Variants in ATAD2B observed in about 807,000 individuals in gnomAD.
ATAD2B encodes ATPase family AAA domain containing 2B.
A neutral mutation model predicts 167.6 loss-of-function variants in ATAD2B; 40 were observed. That is an observed-to-expected ratio of 0.24 (90% CI 0.19 to 0.31). The LOEUF (loss-of-function observed/expected upper bound fraction) is 0.31. ATAD2B is among the 10% of genes least tolerant of loss of function. ATAD2B has a pLI of 1.00. For missense variants in ATAD2B, 1,242 were observed against 1,757.2 expected, an observed-to-expected ratio of 0.71 and a Z score of 5.24; for synonymous variants, 579 against 596.5, an observed-to-expected ratio of 0.97 and a Z score of 0.43.
chr2:23,808,134 G>GTAATTATATATATAATTATATATA (rs1228436619), intron 18 of ATAD2B, among the ~76,000 whole-genome samples: 7 of 104,592 alleles, frequency 6.7e-5, no homozygotes, highest in African/African-American at 2.9e-4. Flanking sequence ...TTATATATAA[G>GTAATTATATATATAATTATATATA]TGATTACTTA....
At chr2:23,834,115 T>TAAACA in intron 13 of ATAD2B, 37 bp from the exon 14 acceptor site, 1 of 1,109,426 alleles carries the variant, frequency 9.0e-7, no homozygotes. Flanking sequence ...AAAAGAATTG[T>TAAACA]AAACACTGCT....
intron 19 of ATAD2B, among the ~76,000 whole-genome samples, chr2:23,788,859 A>G (rs1046934507): frequency 1.3e-5 from 2 of 152,192 alleles, no homozygotes; most frequent in Non-Finnish European, 1.5e-5. Context: ...CAGTTACCCA[A>G]GTCATTAATG....
chr2:23,906,313 C>A (rs1439899854), intron 1 of ATAD2B, among the ~76,000 whole-genome samples: 1 of 151,812 alleles, frequency 6.6e-6, no homozygotes, highest in Admixed American at 6.6e-5. Flanking sequence ...TGCACTCCAG[C>A]CTGGGCAAGA....
At chr2:23,733,300 T>A in the ATAD2B span, among the ~76,000 whole-genome samples, 4 of 152,206 alleles carry the variant, frequency 2.6e-5, no homozygotes, top group Admixed American at 2.6e-4. Flanking sequence ...GAGCATTTGA[T>A]ACTGTTGTCC....
chr2:23,812,848 C>CA (rs71402512), intron 17 of ATAD2B, among the ~76,000 whole-genome samples: 57,362 of 129,824 alleles, frequency 0.44, 13,120 homozygotes, highest in Middle Eastern at 0.5. Flanking sequence ...GACTCAGTCT[C>CA]AAAAAAAAAA....
rs1457969997 is a variant in ATAD2B at position 23,921,770 on chromosome 2, TGTACCTATATTGTACTATAGGA to T, written c.216+4763_216+4784del. On this transcript the variant is annotated intron_variant, in intron 1 of 27. Transcript: ENST00000238789. Reference sequence around the variant, plus strand: ...GGAACATTGTCACGTTACAATATATTGTACCTATATTGTACTATAGGAGTACCTATATTGTACTCCATGTAAA... The same window carrying T: ...GGAACATTGTCACGTTACAATATATTGTACCTATATTGTACTCCATGTAAA... Among the ~76,000 whole-genome samples the T allele has an allele frequency of 3.9e-5, 6 of 152,338 alleles. No individual in the cohort carries two copies. In the South Asian group the frequency reaches 6.2e-4, roughly 16 times the overall value.
intron 3 of ATAD2B, 22 bp from the exon 4 acceptor site, chr2:23,888,007 C>T: frequency 3.3e-6 from 5 of 1,512,478 alleles, no homozygotes; most frequent in Non-Finnish European, 4.4e-6. Context: ...GAGATATTTA[C>T]ATTTCAAAGT....
chr2:23,894,576 T>A (rs986154538), intron 2 of ATAD2B, among the ~76,000 whole-genome samples: 3 of 152,154 alleles, frequency 2.0e-5, no homozygotes, highest in African/African-American at 7.2e-5. Context: ...TTGAATAAAC[T>A]GTTAAAATCA....
chr2:23,926,971 C>T lies in ATAD2B; in HGVS notation c.-201G>A. ...GCGTGAGCAGGCGGCGTGCGGGAAG[C>T]GGGGGCGGTGCTGCAGACCGGCAGC... On this transcript the variant is annotated 5_prime_UTR_variant, in exon 1 of 28. Coordinates refer to ENST00000238789, the MANE Select transcript of ATAD2B (RefSeq NM_017552.4). 3.3e-6 allele frequency: 2 copies of T among 604,160 alleles called. No individual in the cohort carries two copies. The highest frequency in any genetic ancestry group is 2.5e-5 in the South Asian group (1 of 40,360). The allele number at this position is 604,160 out of a possible 1,614,324, so 37.4% of individuals were successfully genotyped here. A position where few individuals can be genotyped will look rare whatever the true frequency, so the allele number is the denominator to read the frequency against.
the ATAD2B span, chr2:23,698,035 G>T: frequency 6.6e-6 from 1 of 152,226 alleles, no homozygotes; most frequent in Non-Finnish European, 1.5e-5. Flanking sequence ...ATAGGGATTT[G>T]TTCAAGGATC....
Position 23,864,792 on chromosome 2 carries a change from T to G in ATAD2B, c.1304+17A>C. ...GTAACAGTAATAACAATAATAAACA[T>G]CTATGACATTGCTTACCTTGGAGGC... On this transcript the variant is annotated intron_variant, in intron 11 of 27. Transcript: ENST00000238789. The G allele has an allele frequency of 8.2e-7, 1 of 1,226,118 alleles. No individual in the cohort carries two copies. Among genetic ancestry groups the G allele is most frequent in the Non-Finnish European group, 1.2e-6 (1 of 859,294 alleles). The allele number at this position is 1,226,118 out of a possible 1,614,324, so 76.0% of individuals were successfully genotyped here.
chr2:23,920,528 G>C (rs2150672631), intron 1 of ATAD2B, among the ~76,000 whole-genome samples: 1 of 152,202 alleles, frequency 6.6e-6, no homozygotes, highest in African/African-American at 2.4e-5. Flanking sequence ...TATTTATTGA[G>C]CATTTTCAGC....
chr2:23,839,907 T>C (rs564956487), intron 13 of ATAD2B, among the ~76,000 whole-genome samples: 2 of 152,234 alleles, frequency 1.3e-5, no homozygotes, highest in Non-Finnish European at 2.9e-5. Context: ...ACTCAACCCC[T>C]AGGGAACCAT....
chr2:23,689,862 G>A, the ATAD2B span: 3 of 152,312 alleles, frequency 2.0e-5, no homozygotes, highest in African/African-American at 7.2e-5. Context: ...AGCCACCGAG[G>A]TATGGAAATC....
At chr2:23,782,148 T>C (rs1293553609) in intron 22 of ATAD2B, among the ~76,000 whole-genome samples, 1 of 152,224 alleles carries the variant, frequency 6.6e-6, no homozygotes, top group Non-Finnish European at 1.5e-5. Flanking sequence ...CACAGCTTTA[T>C]TAGCCTTGCT....
the ATAD2B span, among the ~76,000 whole-genome samples, chr2:23,741,362 T>C: frequency 0.16 from 24,383 of 151,976 alleles, 2,056 homozygotes; most frequent in Middle Eastern, 0.26. Context: ...GAGATATAGA[T>C]CAATGGAACA....
chr2:23,747,474 T>TGGGGA (rs774281799), downstream of ATAD2B, among the ~76,000 whole-genome samples: 6 of 152,004 alleles, frequency 3.9e-5, no homozygotes, highest in African/African-American at 7.2e-5. Context: ...TTTGGTAAAG[T>TGGGGA]GGGGATCGAC....
the ATAD2B span, among the ~76,000 whole-genome samples, chr2:23,686,132 C>T: frequency 6.8e-6 from 1 of 147,612 alleles, no homozygotes; most frequent in East Asian, 2.1e-4. Flanking sequence ...GGGGATGGGG[C>T]ATGAGTGGGG....
chr2:23,757,396 A>AT (rs1385555126), intron 25 of ATAD2B, 22 bp downstream of exon 25: 2 of 1,458,298 alleles, frequency 1.4e-6, no homozygotes, highest in Admixed American at 2.6e-5. Flanking sequence ...CCTTCAGAAG[A>AT]TTTTTCAAAT....
Sources: allele counts gnomAD v4.1 joint callset (sites outside exome capture counted in the v4.1 genomes callset), GRCh38; gene constraint gnomAD v4.1.1; transcripts MANE v1.5; gene names NCBI Gene and HGNC (gene_info 2026-07-23, HGNC 2026-07-21).